The following PCDHGA5 variants were observed in gnomAD, a reference collection of about 807,000 sequenced individuals.
PCDHGA5 encodes the protein protocadherin gamma subfamily A, 5, also known as protocadherin gamma-A5.
PCDHGA5 carries 36 observed loss-of-function variants against 56.7 expected under a neutral mutation model. The observed-to-expected ratio is 0.64, with a 90% CI of 0.49 to 0.84. The LOEUF (loss-of-function observed/expected upper bound fraction) is 0.84. Among genes scored for constraint, PCDHGA5 ranks in the 40% least tolerant of loss-of-function variants. PCDHGA5 has a pLI of 0.00. For missense variants in PCDHGA5, 1,305 were observed against 1,201.5 expected (o/e 1.09, Z -1.27); for synonymous variants, 563 against 520.2 (o/e 1.08, Z -1.12).
chr5:141,424,005 C>A, intron 1 of PCDHGA5: 1 of 1,070,322 alleles, frequency 9.3e-7, no homozygotes. Context: ...TATATAGATA[C>A]AAATTAATGA....
chr5:141,371,658 A>G (rs764550191), intron 1 of PCDHGA5: 3 of 1,614,038 alleles, frequency 1.9e-6, no homozygotes, highest in Non-Finnish European at 1.7e-6. Flanking sequence ...CAATGTGACG[A>G]TCACAGCTAC....
rs1222364302 is a variant in PCDHGA5, at chr5:141,414,920, C to T, written c.2421+48169C>T. On this transcript the variant is annotated intron_variant, in intron 1 of 3. Coordinates refer to ENST00000518069, the MANE Select transcript of PCDHGA5 (RefSeq NM_018918.3). ...GACGGTTCCACAGGCGTGGAGCTGG[C>T]GCCCCGCTCCGCAGAGCCCGGCTAC... 2.5e-6 allele frequency: 4 copies of T among 1,614,146 alleles called. No individual in the cohort carries two copies. The South Asian group carries it at 3.3e-5, about 13-fold the overall frequency.
chr5:141,421,614 T>C (rs552534116), intron 1 of PCDHGA5: 3 of 1,613,810 alleles, frequency 1.9e-6, no homozygotes, highest in South Asian at 2.2e-5. Flanking sequence ...ATATTAATGA[T>C]AACGCCCCCA....
intron 1 of PCDHGA5, chr5:141,384,775 G>A: frequency 6.2e-7 from 1 of 1,613,910 alleles, no homozygotes; most frequent in Non-Finnish European, 8.5e-7. Flanking sequence ...CACGGGCGAG[G>A]TGCGCACGGC....
intron 1 of PCDHGA5, chr5:141,413,167 C>G: frequency 6.3e-7 from 1 of 1,590,828 alleles, no homozygotes; most frequent in Non-Finnish European, 8.6e-7. Context: ...ATTCTGTAAC[C>G]AGACTACAAT....
chr5:141,374,477 C>A lies in PCDHGA5; in HGVS notation c.2421+7726C>A, dbSNP rs376389009. 3 of 1,611,808 alleles carry A rather than the reference C, an allele frequency of 1.9e-6. No individual in the cohort carries two copies. In the East Asian group the frequency reaches 6.7e-5, roughly 36 times the overall value. ...AGTGGACATTAATGACAATACACCC[C>A]GATTCTTAAAGGAAGAATTGGAAGT... On this transcript the variant is annotated intron_variant, in intron 1 of 3. Transcript: ENST00000518069.
chr5:141,461,255 G>A (rs1466460215), intron 1 of PCDHGA5, among the ~76,000 whole-genome samples: 1 of 152,098 alleles, frequency 6.6e-6, no homozygotes. Flanking sequence ...ATTCCCAGCA[G>A]CAATGTGTAA....
chr5:141,404,490 T>A (rs748668164), intron 1 of PCDHGA5: 6 of 1,613,632 alleles, frequency 3.7e-6, no homozygotes, highest in Non-Finnish European at 5.1e-6. Flanking sequence ...GACACTGGTG[T>A]GCTGTATGCT....
chr5:141,422,092 G>A (rs2154549502), intron 1 of PCDHGA5: 6 of 1,611,520 alleles, frequency 3.7e-6, no homozygotes, highest in Non-Finnish European at 5.1e-6. Flanking sequence ...GGAAAGCAAG[G>A]CTTCTGAAAT....
chr5:141,390,231 T>C, intron 1 of PCDHGA5: 1 of 1,614,086 alleles, frequency 6.2e-7, no homozygotes, highest in South Asian at 1.1e-5. Flanking sequence ...CGGTGATTCA[T>C]CTGGGGCCTT....
Position 141,490,486 on chromosome 5 carries a change from G to A in PCDHGA5, c.2422-4321G>A, listed in dbSNP as rs1187388706. The A allele has an allele frequency of 1.2e-6, 2 of 1,614,090 alleles. No individual in the cohort carries two copies. On this transcript the variant is annotated intron_variant, in intron 1 of 3. Transcript: ENST00000518069. The surrounding 1 kb of genome is among the most constrained non-coding windows in gnomAD (Gnocchi z 5.4). ...AACCAGCCAGCCTTTGGACCGGGAG[G>A]CCACATCCCACTATATCATCGAGCT...
intron 1 of PCDHGA5, chr5:141,384,681 G>A (rs1373910602): frequency 6.2e-7 from 1 of 1,614,180 alleles, no homozygotes; most frequent in South Asian, 1.1e-5. Context: ...TGGTGGCGGT[G>A]GACAAAGATT....
chr5:141,395,403 A>C (rs1383871945), intron 1 of PCDHGA5: 7 of 849,376 alleles, frequency 8.2e-6, no homozygotes, highest in Non-Finnish European at 1.2e-5. Context: ...TCTAATAGTC[A>C]TAGGTTATTG....
rs1208504589 is a variant in PCDHGA5, at chr5:141,431,631, T to C, written c.2422-63176T>C. On this transcript the variant is annotated intron_variant, in intron 1 of 3. Coordinates refer to ENST00000518069, the MANE Select transcript of PCDHGA5 (RefSeq NM_018918.3). The surrounding 1 kb of genome is among the most constrained non-coding windows in gnomAD (Gnocchi z 4.8). ...TATGTGGACGACAAGGCGGCCCAAG[T>C]TTTCAAACTAGATTGTAATTCAGGG... The C allele has an allele frequency of 6.2e-6, 10 of 1,614,132 alleles. No individual in the cohort carries two copies. Among genetic ancestry groups the C allele is most frequent in the Non-Finnish European group, 8.5e-6 (10 of 1,180,016 alleles).
At chr5:141,459,703 T>G (rs2098973426) in intron 1 of PCDHGA5, among the ~76,000 whole-genome samples, 1 of 152,226 alleles carries the variant, frequency 6.6e-6, no homozygotes, top group African/African-American at 2.4e-5. Context: ...CTTGCTACAT[T>G]TTCTCACCAA....
intron 1 of PCDHGA5, chr5:141,389,604 G>C: frequency 6.2e-7 from 1 of 1,613,156 alleles, no homozygotes; most frequent in Non-Finnish European, 8.5e-7. Flanking sequence ...TGCGCTCTTC[G>C]ATATGGTGCC....
rs539892249 is a variant in PCDHGA5 at position 141,500,355 on chromosome 5, C to T, written c.2481-5038C>T. ...TCCAGAATAGCTGGGACTACAGGCG[C>T]CCACTACCACGCCCGGCTAATTATT... On this transcript the variant is annotated intron_variant, in intron 2 of 3. Coordinates refer to ENST00000518069, the MANE Select transcript of PCDHGA5 (RefSeq NM_018918.3). Among the ~76,000 whole-genome samples, 274 of 152,030 alleles carry T rather than the reference C, an allele frequency of 1.8e-3. 2 individuals are homozygous for T. The highest frequency in any genetic ancestry group is 6.3e-3 in the African/African-American group (263 of 41,478).
chr5:141,401,283 G>A (rs751622626), intron 1 of PCDHGA5, among the ~76,000 whole-genome samples: 2 of 152,044 alleles, frequency 1.3e-5, no homozygotes, highest in Non-Finnish European at 2.9e-5. Flanking sequence ...TGGAGGTTGC[G>A]GTGAGCCGAG....
chr5:141,384,703 G>C lies in PCDHGA5; in HGVS notation c.2421+17952G>C, dbSNP rs776947081. ...GGTGGACAAAGATTCAGGCCAGAAC[G>C]CCTGGCTGTCATACCTCCTGCTTAA... On this transcript the variant is annotated intron_variant, in intron 1 of 3. Transcript: ENST00000518069. 2 of 1,613,982 alleles carry C rather than the reference G, an allele frequency of 1.2e-6. No individual in the cohort carries two copies. Among genetic ancestry groups the C allele is most frequent in the African/African-American group, 1.3e-5 (1 of 74,932 alleles).
Sources: gnomAD v4.1 joint callset for allele counts (sites outside exome capture counted in the v4.1 genomes callset) on GRCh38, gnomAD v4.1.1 for gene constraint, Gnocchi (gnomAD v3.1) non-coding constraint, MANE v1.5 for transcripts, NCBI Gene and HGNC (gene_info 2026-07-23, HGNC 2026-07-21) for gene names.